Variants in GNG2 observed in about 807,000 individuals in gnomAD.
GNG2 encodes guanine nucleotide-binding protein G(I)/G(S)/G(O) subunit gamma-2.
A neutral mutation model predicts 5.5 loss-of-function variants in GNG2; 5 were observed. That is an observed-to-expected ratio of 0.91 (90% CI 0.48 to 1.92). GNG2 has a LOEUF of 1.92. GNG2 is among the 30% of genes most tolerant of loss of function. GNG2 has a pLI of 0.01. For synonymous variants in GNG2, 28 were observed against 32.0 expected (o/e 0.88, Z 0.42); for missense variants, 55 against 88.4 (o/e 0.62, Z 1.52).
chr14:51,870,381 A>G (rs1449216035), intron 1 of GNG2, among the ~76,000 whole-genome samples: 4 of 152,256 alleles, frequency 2.6e-5, no homozygotes, highest in Non-Finnish European at 5.9e-5. Context: ...ATATTCCAGA[A>G]GGAAATACAT....
chr14:51,869,111 A>C (rs1883128897), intron 1 of GNG2, among the ~76,000 whole-genome samples: 1 of 152,250 alleles, frequency 6.6e-6, no homozygotes, highest in Admixed American at 6.5e-5. Context: ...TAATTTGAAT[A>C]AGTGAAGACT....
intron 2 of GNG2, among the ~76,000 whole-genome samples, chr14:51,884,926 G>T (rs147709625): frequency 5.6e-4 from 86 of 152,282 alleles, no homozygotes; most frequent in African/African-American, 2.0e-3. Flanking sequence ...TCCAACTCGA[G>T]TTGAGAGGAG....
At chr14:51,854,671 C>T (rs1409636801) in intron 2 of GNG2, among the ~76,000 whole-genome samples, 1 of 152,034 alleles carries the variant, frequency 6.6e-6, no homozygotes, top group African/African-American at 2.4e-5. Context: ...CGCCACCACG[C>T]CTGGCTAATT....
At chr14:51,952,757 A>T (rs575281356) in intron 3 of GNG2, among the ~76,000 whole-genome samples, 1 of 152,138 alleles carries the variant, frequency 6.6e-6, no homozygotes, top group African/African-American at 2.4e-5. Context: ...TGAATTACTG[A>T]CTGCAAGGGG....
At chr14:51,880,469 C>A (rs150206165) in intron 2 of GNG2, among the ~76,000 whole-genome samples, 1 of 152,098 alleles carries the variant, frequency 6.6e-6, no homozygotes, top group Non-Finnish European at 1.5e-5. Flanking sequence ...AGTAAGAAAC[C>A]ATTTCTTGCC....
intron 2 of GNG2, among the ~76,000 whole-genome samples, chr14:51,845,667 G>T (rs1215957712): frequency 1.3e-5 from 2 of 152,166 alleles, no homozygotes; most frequent in Admixed American, 1.3e-4. Flanking sequence ...CCCTCTCAGA[G>T]AGTCATCCCA....
intron 3 of GNG2, among the ~76,000 whole-genome samples, chr14:51,964,129 A>C (rs1827632255): frequency 6.6e-6 from 1 of 152,180 alleles, no homozygotes; most frequent in Admixed American, 6.5e-5. Flanking sequence ...ACAGACACTC[A>C]GGAGAGAATT....
intron 2 of GNG2, among the ~76,000 whole-genome samples, chr14:51,855,074 G>A (rs12883693): frequency 3.9e-5 from 6 of 151,952 alleles, no homozygotes; most frequent in Non-Finnish European, 7.4e-5. Context: ...ATTCATCACC[G>A]ATAGCCTCCC....
rs75389662 is a variant in GNG2 at position 51,937,636 on chromosome 14, T to A, written c.-29-13014T>A. On this transcript the variant is annotated intron_variant, in intron 2 of 3. Transcript: ENST00000556766. ...AAGAAATACATAATTTTTTTTTTTT[T>A]TTATTATACTCTAAGTTTTAGGGTA... Among the ~76,000 whole-genome samples, 108 of 118,456 alleles carry A rather than the reference T, an allele frequency of 9.1e-4. 17 individuals carry two copies. The highest frequency in any genetic ancestry group is 3.8e-3 in the African/African-American group (89 of 23,704). The allele number at this position is 118,456 out of a possible 152,430, so 77.7% of individuals were successfully genotyped here.
intron 2 of GNG2, among the ~76,000 whole-genome samples, chr14:51,904,825 T>C (rs564043971): frequency 6.6e-6 from 1 of 152,334 alleles, no homozygotes; most frequent in South Asian, 2.1e-4. Flanking sequence ...TTCATTTCTT[T>C]AAAAAATTAT....
chr14:51,927,652 G>A (rs1300370648), intron 2 of GNG2, among the ~76,000 whole-genome samples: 2 of 152,140 alleles, frequency 1.3e-5, no homozygotes, highest in Non-Finnish European at 2.9e-5. Flanking sequence ...TTTATCCCTA[G>A]CTCCAAGCAC....
intron 2 of GNG2, among the ~76,000 whole-genome samples, chr14:51,926,420 T>C (rs558523782): frequency 6.6e-6 from 1 of 152,328 alleles, no homozygotes; most frequent in East Asian, 1.9e-4. Flanking sequence ...AAAGAGTTTA[T>C]ATCTGACTGT....
intron 2 of GNG2, among the ~76,000 whole-genome samples, chr14:51,909,494 T>G (rs769662613): frequency 2.6e-5 from 4 of 152,216 alleles, no homozygotes; most frequent in Non-Finnish European, 4.4e-5. Context: ...TGGGTATACC[T>G]TACTATGATT....
intron 2 of GNG2, among the ~76,000 whole-genome samples, chr14:51,904,037 G>A (rs990238623): frequency 2.4e-4 from 37 of 152,188 alleles, no homozygotes; most frequent in Non-Finnish European, 5.3e-4. Context: ...TCTCAGGAGA[G>A]CTAGAGAATC....
intron 3 of GNG2, among the ~76,000 whole-genome samples, chr14:51,952,751 T>C (rs1889063055): frequency 6.6e-6 from 1 of 152,218 alleles, no homozygotes; most frequent in African/African-American, 2.4e-5. Context: ...CTCACCTGAA[T>C]TACTGACTGC....
At chr14:51,843,476 C>T (rs1881541393) in intron 2 of GNG2, among the ~76,000 whole-genome samples, 1 of 152,044 alleles carries the variant, frequency 6.6e-6, no homozygotes, top group Admixed American at 6.5e-5. Flanking sequence ...GCATGTAGGG[C>T]TTAAAACCTG....
At chr14:51,942,600 T>TCTTTCTTTCTTTC (rs1566703441) in intron 2 of GNG2, among the ~76,000 whole-genome samples, 1 of 139,044 alleles carries the variant, frequency 7.2e-6, no homozygotes, top group African/African-American at 2.7e-5. Flanking sequence ...TTTTTTTTTT[T>TCTTTCTTTCTTTC]TTTTTTAGAG....
chr14:51,899,054 G>C (rs957209909), intron 2 of GNG2, among the ~76,000 whole-genome samples: 9 of 152,050 alleles, frequency 5.9e-5, no homozygotes, highest in Non-Finnish European at 8.8e-5. Flanking sequence ...CTCTACTCTG[G>C]AATTGACCTG....
At chr14:51,873,368 C>T (rs1472799060) in intron 1 of GNG2, among the ~76,000 whole-genome samples, 1 of 152,194 alleles carries the variant, frequency 6.6e-6, no homozygotes, top group Non-Finnish European at 1.5e-5. Flanking sequence ...GTTGAGTTGG[C>T]TTGCTTATGT....
Sources: gnomAD v4.1 joint callset for allele counts (sites outside exome capture counted in the v4.1 genomes callset) on GRCh38, gnomAD v4.1.1 for gene constraint, MANE v1.5 for transcripts, NCBI Gene and HGNC (gene_info 2026-07-23, HGNC 2026-07-21) for gene names.